Variants in MYLK observed in about 807,000 individuals in gnomAD.
The protein encoded by MYLK is myosin light chain kinase.
Under a neutral mutation model 203.4 loss-of-function variants are expected in MYLK, and 106 were observed. The observed-to-expected ratio is 0.52, with a 90% CI of 0.45 to 0.61. The LOEUF (loss-of-function observed/expected upper bound fraction) is 0.61, where lower values mean the gene tolerates loss of function less well. Among genes scored for constraint, MYLK ranks in the 20% least tolerant of loss-of-function variants. The pLI is 0.00. For synonymous variants in MYLK, 867 were observed against 959.5 expected (o/e 0.90, Z 1.78); for missense variants, 2,072 against 2,442.3 (o/e 0.85, Z 3.20).
intron 13 of MYLK, among the ~76,000 whole-genome samples, chr3:123,713,380 G>C (rs1047846017): frequency 6.6e-6 from 1 of 152,154 alleles, no homozygotes; most frequent in Non-Finnish European, 1.5e-5. Flanking sequence ...GGCAGACCCA[G>C]AGCTCATGCC....
intron 2 of MYLK, among the ~76,000 whole-genome samples, chr3:123,834,244 C>T (rs1246747475): frequency 6.6e-6 from 1 of 152,120 alleles, no homozygotes; most frequent in African/African-American, 2.4e-5. Context: ...TGGGGTTTCA[C>T]CATGTTGGCT....
chr3:123,846,216 C>T (rs13094803), intron 2 of MYLK, among the ~76,000 whole-genome samples: 127,122 of 152,166 alleles, frequency 0.84, 53,262 homozygotes, highest in East Asian at 0.95. Context: ...CTGTTCCTCC[C>T]GTAAGAACCA....
At chr3:123,659,857 C>T (rs1357690706) in intron 23 of MYLK, among the ~76,000 whole-genome samples, 1 of 152,204 alleles carries the variant, frequency 6.6e-6, no homozygotes, top group African/African-American at 2.4e-5. Context: ...GAATAGGAAA[C>T]TCAGCTCAGT....
chr3:123,732,529 G>A (rs1193624481), intron 11 of MYLK, among the ~76,000 whole-genome samples: 1 of 152,006 alleles, frequency 6.6e-6, no homozygotes, highest in East Asian at 1.9e-4. Context: ...TAAAAGATGT[G>A]GGATCCCACA....
chr3:123,620,422 GC>G (rs2057791230), intron 31 of MYLK, 86 bp from the exon 32 acceptor site: 2 of 1,603,526 alleles, frequency 1.2e-6, no homozygotes, highest in Admixed American at 3.3e-5. Flanking sequence ...GTAGAGCCCA[GC>G]CCCAGAGAAG....
chr3:123,730,303 C>G (rs543560775), intron 11 of MYLK, among the ~76,000 whole-genome samples: 14 of 152,290 alleles, frequency 9.2e-5, no homozygotes, highest in African/African-American at 3.1e-4. Flanking sequence ...AACTGCAACA[C>G]TTGTACATTG....
Position 123,700,299 on chromosome 3 carries a change from C to T in MYLK, c.3169G>A (p.Glu1057Lys). Residue 1057 changes from glutamate (E) to lysine (K), a missense_variant, in exon 18 of 34, where the codon GAG becomes AAG. Physicochemically the swap from Glu to Lys is moderately conservative, Grantham distance 56. Coordinates refer to ENST00000360304, the MANE Select transcript of MYLK (RefSeq NM_053025.4). ...LKPMGNAKPD[E>K]NLKSASKEEL... ...TCTTTGCTAGCGGATTTCAGGTTCT[C>T]ATCAGGCTTGGCATTGCCCATGGGC... 1.2e-6 allele frequency: 2 copies of T among 1,614,064 alleles called. No individual in the cohort carries two copies. Among genetic ancestry groups the T allele is most frequent in the Non-Finnish European group, 1.7e-6 (2 of 1,180,020 alleles).
intron 24 of MYLK, among the ~76,000 whole-genome samples, chr3:123,652,583 G>C (rs2059252388): frequency 6.6e-6 from 1 of 152,256 alleles, no homozygotes; most frequent in Admixed American, 6.5e-5. Context: ...CGTAGCTGCA[G>C]CCTGGGATGG....
chr3:123,701,877 G>C (rs1817214), intron 16 of MYLK, among the ~76,000 whole-genome samples: 18,702 of 152,236 alleles, frequency 0.12, 2,706 homozygotes, highest in East Asian at 0.53. Flanking sequence ...GATGTAGCAG[G>C]TTGGTCTAGA....
chr3:123,617,492 C>T (rs1473111403), intron 33 of MYLK: 1 of 152,228 alleles, frequency 6.6e-6, no homozygotes, highest in Non-Finnish European at 1.5e-5. Flanking sequence ...ATTGATAAGG[C>T]ACTTTGATAA....
At chr3:123,857,091 A>T (rs892325842) in intron 2 of MYLK, among the ~76,000 whole-genome samples, 4 of 152,166 alleles carry the variant, frequency 2.6e-5, no homozygotes, top group Non-Finnish European at 4.4e-5. Flanking sequence ...TCAAAACCAC[A>T]ATGAGATACC....
At chr3:123,738,124 T>C (rs908137377) in intron 7 of MYLK, among the ~76,000 whole-genome samples, 2 of 150,352 alleles carry the variant, frequency 1.3e-5, no homozygotes, top group African/African-American at 4.9e-5. Context: ...CCTGACAATA[T>C]TTTGAGGTAG....
intron 27 of MYLK, among the ~76,000 whole-genome samples, chr3:123,641,126 C>G (rs1447833440): frequency 6.6e-6 from 1 of 152,226 alleles, no homozygotes; most frequent in Non-Finnish European, 1.5e-5. Context: ...TGGACCCCTT[C>G]CTTACCCCAG....
intron 2 of MYLK, among the ~76,000 whole-genome samples, chr3:123,853,090 C>G (rs561444553): frequency 6.6e-6 from 1 of 151,702 alleles, no homozygotes; most frequent in South Asian, 2.1e-4. Flanking sequence ...AAGGGCCTGA[C>G]AGAAGCCTAA....
At position 123,738,931 on chromosome 3, in the gene MYLK, G is replaced by C. The variant is rs1057518439; in HGVS notation, c.554C>G (p.Thr185Ser). The change falls in exon 7 of 34, where the codon ACT becomes AGT. Residue 185 changes from threonine to serine, a missense_variant. Transcript: ENST00000360304. ...GQMGRFSCKITGRPQPQVTWL... is the reference protein window; with the variant it reads ...GQMGRFSCKISGRPQPQVTWL... ...GGTGACCTGCGGTTGGGGCCGGCCAGTGATCTTGCAGGAGAATCGTCCCAT... is the reference window on the plus strand; with the variant it reads ...GGTGACCTGCGGTTGGGGCCGGCCACTGATCTTGCAGGAGAATCGTCCCAT... 3 of 1,612,854 alleles carry C rather than the reference G, an allele frequency of 1.9e-6. No homozygotes were observed. The highest frequency in any genetic ancestry group is 1.7e-6 in the Non-Finnish European group (2 of 1,179,486).
At chr3:123,775,655 A>C (rs1482279015) in intron 4 of MYLK, among the ~76,000 whole-genome samples, 2 of 152,204 alleles carry the variant, frequency 1.3e-5, no homozygotes, top group East Asian at 1.9e-4. Context: ...GGAATGATTA[A>C]AATTAATGAC....
At chr3:123,619,083 C>G (rs544147227) in intron 32 of MYLK, among the ~76,000 whole-genome samples, 1 of 152,346 alleles carries the variant, frequency 6.6e-6, no homozygotes, top group East Asian at 1.9e-4. Flanking sequence ...TAGGATTCAG[C>G]TGAGGGTATC....
intron 16 of MYLK, among the ~76,000 whole-genome samples, chr3:123,703,143 C>T (rs535958906): frequency 1.3e-5 from 2 of 152,194 alleles, no homozygotes; most frequent in Non-Finnish European, 2.9e-5. Flanking sequence ...ATTCTGCTGG[C>T]GTGTGTGGGT....
At chr3:123,827,578 A>G (rs543714780) in intron 3 of MYLK, among the ~76,000 whole-genome samples, 150 of 151,128 alleles carry the variant, frequency 9.9e-4, no homozygotes, top group African/African-American at 3.5e-3. Flanking sequence ...GAAATGAAGA[A>G]GAAATAAAAT....
Sources: allele counts gnomAD v4.1 joint callset (sites outside exome capture counted in the v4.1 genomes callset), GRCh38; gene constraint gnomAD v4.1.1; transcripts MANE v1.5; gene names NCBI Gene and HGNC (gene_info 2026-07-23, HGNC 2026-07-21).